Variants in LRRC4C observed in about 807,000 individuals in gnomAD.
The protein encoded by LRRC4C is leucine-rich repeat-containing protein 4C.
A neutral mutation model predicts 33.6 loss-of-function variants in LRRC4C; 5 were observed. The observed-to-expected ratio is 0.15, with a 90% confidence interval of 0.08 to 0.31. LRRC4C has a LOEUF of 0.31. LRRC4C is among the 10% of genes least tolerant of loss of function. The pLI is 1.00. For synonymous variants in LRRC4C, 329 were observed against 302.0 expected (o/e 1.09, Z -0.93); for missense variants, 560 against 796.7 (o/e 0.70, Z 3.58).
At chr11:41,174,824 T>C (rs1945127141) in intron 1 of LRRC4C, among the ~76,000 whole-genome samples, 1 of 152,090 alleles carries the variant, frequency 6.6e-6, no homozygotes. Flanking sequence ...TAGACTTGGA[T>C]CTTAGAAAAG....
At chr11:40,332,837 A>G (rs1192221669) in intron 3 of LRRC4C, among the ~76,000 whole-genome samples, 1 of 152,168 alleles carries the variant, frequency 6.6e-6, no homozygotes, top group Admixed American at 6.5e-5. Flanking sequence ...GGCCAAATAG[A>G]GTTTCCTTCA....
intron 1 of LRRC4C, among the ~76,000 whole-genome samples, chr11:41,135,721 A>C (rs1943227208): frequency 6.6e-6 from 1 of 152,220 alleles, no homozygotes; most frequent in African/African-American, 2.4e-5. Context: ...GACAACACTT[A>C]TGCCTTCGTT....
In LRRC4C at chr11:41,442,749, G is replaced by T. The variant is rs577301908; in HGVS notation, c.-496+16682C>A. Among the ~76,000 whole-genome samples, 3 of 152,092 alleles carry T rather than the reference G, an allele frequency of 2.0e-5. No individual in the cohort carries two copies. In the East Asian group the frequency reaches 5.8e-4, roughly 29 times the overall value. On this transcript the variant is annotated intron_variant, in intron 1 of 6. Transcript: ENST00000528697. ...CTCCCAAAGTGCTGGGATTACAGGC[G>T]TGAGCCACCGCGCCCGGCCTGTTGC...
chr11:41,200,138 G>A (rs1194866849), intron 1 of LRRC4C, among the ~76,000 whole-genome samples: 1 of 151,946 alleles, frequency 6.6e-6, no homozygotes, highest in Non-Finnish European at 1.5e-5. Flanking sequence ...TCAATTCTTT[G>A]ATGTATGCTT....
chr11:40,912,726 G>C (rs897913391), intron 2 of LRRC4C, among the ~76,000 whole-genome samples: 2 of 151,574 alleles, frequency 1.3e-5, no homozygotes, highest in South Asian at 4.2e-4. Flanking sequence ...TGGGCTAAAT[G>C]CTCCAATTAA....
chr11:40,276,336 C>T (rs904431335), intron 4 of LRRC4C, among the ~76,000 whole-genome samples: 1 of 152,072 alleles, frequency 6.6e-6, no homozygotes, highest in South Asian at 2.1e-4. Context: ...GGACAGAAAG[C>T]AGTGGTTCGA....
intron 5 of LRRC4C, among the ~76,000 whole-genome samples, chr11:40,203,064 T>C (rs1210063202): frequency 6.6e-6 from 1 of 152,166 alleles, no homozygotes; most frequent in African/African-American, 2.4e-5. Flanking sequence ...CCCAGGGAAA[T>C]CCTAGCCACT....
intron 1 of LRRC4C, among the ~76,000 whole-genome samples, chr11:41,232,169 T>A (rs1947831759): frequency 6.6e-6 from 1 of 152,054 alleles, no homozygotes; most frequent in African/African-American, 2.4e-5. Context: ...AACATCCTCC[T>A]TAGCATCTCT....
At chr11:40,605,289 C>G (rs1272784922) in intron 3 of LRRC4C, among the ~76,000 whole-genome samples, 5 of 152,016 alleles carry the variant, frequency 3.3e-5, no homozygotes, top group Non-Finnish European at 2.9e-5. Flanking sequence ...TTAATTTTAA[C>G]TGCAGGAATA....
chr11:41,342,957 A>T (rs972770522), intron 1 of LRRC4C, among the ~76,000 whole-genome samples: 2 of 152,176 alleles, frequency 1.3e-5, no homozygotes, highest in African/African-American at 4.8e-5. Context: ...TTGCCTCTGC[A>T]AATTTCTGGT....
At position 40,595,129 on chromosome 11, in the gene LRRC4C, T is replaced by C. The variant is rs373643737; in HGVS notation, c.-270+53013A>G. The stretch of plus-strand genomic sequence containing the variant: ...CCAAGATAATAGTGTTAAATTGAAC[T>C]CTAGGATACATAGAACTTTATTTAT... On this transcript the variant is annotated intron_variant, in intron 3 of 6. Coordinates refer to ENST00000528697, the MANE Select transcript of LRRC4C (RefSeq NM_001258419.2). 2.5e-4 allele frequency among the ~76,000 whole-genome samples: 38 copies of C among 152,200 alleles called. No homozygotes were observed. In the East Asian group the frequency reaches 5.8e-3, roughly 23 times the overall value.
chr11:41,247,253 A>G (rs1005079593), intron 1 of LRRC4C, among the ~76,000 whole-genome samples: 2 of 152,238 alleles, frequency 1.3e-5, no homozygotes, highest in African/African-American at 4.8e-5. Context: ...TTTGGCTTTA[A>G]TGTCCTCCTC....
intron 5 of LRRC4C, 113 bp downstream of exon 5, chr11:40,241,406 A>T (rs2136096109): frequency 6.6e-6 from 1 of 152,266 alleles, no homozygotes; most frequent in South Asian, 2.1e-4. Context: ...ATAAATAAAT[A>T]AATAACAGAA....
At chr11:40,151,671 T>A (rs1470838865) in intron 5 of LRRC4C, among the ~76,000 whole-genome samples, 1 of 152,156 alleles carries the variant, frequency 6.6e-6, no homozygotes, top group African/African-American at 2.4e-5. Flanking sequence ...GAAGCCCCCT[T>A]GATGAAGGCC....
At chr11:40,752,871 AG>A (rs1213356354) in intron 2 of LRRC4C, among the ~76,000 whole-genome samples, 5 of 152,124 alleles carry the variant, frequency 3.3e-5, no homozygotes, top group African/African-American at 7.2e-5. Context: ...AATCAACCTA[AG>A]TATCTGTCAA....
At chr11:41,136,331 A>G (rs1352590223) in intron 1 of LRRC4C, among the ~76,000 whole-genome samples, 2 of 152,184 alleles carry the variant, frequency 1.3e-5, no homozygotes, top group African/African-American at 4.8e-5. Context: ...ACAATATGTG[A>G]AAAGGATCAG....
At chr11:41,238,040 ACT>A (rs147382622) in intron 1 of LRRC4C, among the ~76,000 whole-genome samples, 2,898 of 152,096 alleles carry the variant, frequency 0.019, 94 homozygotes, top group African/African-American at 0.067. Flanking sequence ...CTCAACTGTC[ACT>A]CTTTTCCTAA....
chr11:40,245,956 A>G (rs182033285), intron 4 of LRRC4C, among the ~76,000 whole-genome samples: 322 of 150,018 alleles, frequency 2.1e-3, no homozygotes, highest in African/African-American at 7.5e-3. Context: ...CATGATACAT[A>G]TTGTTAAAGT....
chr11:41,046,118 AT>A (rs773592612), intron 1 of LRRC4C, among the ~76,000 whole-genome samples: 22 of 152,230 alleles, frequency 1.4e-4, no homozygotes, highest in African/African-American at 5.1e-4. Context: ...TGTATGCTTA[AT>A]TTTTTCTTCA....
Sources: gnomAD v4.1 joint callset for allele counts (sites outside exome capture counted in the v4.1 genomes callset) on GRCh38, gnomAD v4.1.1 for gene constraint, MANE v1.5 for transcripts, NCBI Gene and HGNC (gene_info 2026-07-23, HGNC 2026-07-21) for gene names.